The following FARS2 variants were observed in gnomAD, a reference collection of about 807,000 sequenced individuals.
FARS2 encodes the protein phenylalanyl-tRNA synthetase 2, mitochondrial.
In FARS2, 40 loss-of-function variants were observed where a neutral mutation model predicts 46.4. That is an observed-to-expected ratio of 0.86 (90% CI 0.67 to 1.12). The LOEUF is 1.12. Among genes scored for constraint, FARS2 ranks in the 50% most tolerant of loss-of-function variants. The pLI is 0.00. For missense variants in FARS2, 513 were observed against 567.9 expected (o/e 0.90, Z 0.98); for synonymous variants, 234 against 214.9 (o/e 1.09, Z -0.78).
chr6:5,608,780 A>G (rs1774996437), intron 5 of FARS2, among the ~76,000 whole-genome samples: 2 of 152,176 alleles, frequency 1.3e-5, no homozygotes, highest in Non-Finnish European at 2.9e-5. Flanking sequence ...AGCAGGTTGT[A>G]TATAAACTCC....
intron 6 of FARS2, among the ~76,000 whole-genome samples, chr6:5,621,243 C>A (rs958666203): frequency 6.6e-6 from 1 of 151,792 alleles, no homozygotes; most frequent in East Asian, 1.9e-4. Flanking sequence ...TAGGCCACCA[C>A]ACTTGGCTAA....
At chr6:5,618,414 T>G (rs1427517622) in intron 6 of FARS2, among the ~76,000 whole-genome samples, 1 of 152,216 alleles carries the variant, frequency 6.6e-6, no homozygotes, top group African/African-American at 2.4e-5. Context: ...AGCCTGATAG[T>G]GCAAAAGAGC....
chr6:5,538,925 A>C (rs559382615), intron 4 of FARS2, among the ~76,000 whole-genome samples: 1 of 152,284 alleles, frequency 6.6e-6, no homozygotes, highest in East Asian at 1.9e-4. Context: ...AGGCAGCTGA[A>C]GTCCAGTTGC....
At chr6:5,601,461 T>C (rs1025163134) in intron 5 of FARS2, among the ~76,000 whole-genome samples, 1 of 142,568 alleles carries the variant, frequency 7.0e-6, no homozygotes, top group Admixed American at 7.3e-5. Flanking sequence ...GAGGCAGAGG[T>C]TGCGGTGAGC....
chr6:5,378,994 A>C (rs914726347), intron 2 of FARS2, among the ~76,000 whole-genome samples: 11 of 152,318 alleles, frequency 7.2e-5, no homozygotes, highest in African/African-American at 2.6e-4. Context: ...GTCTTTGGCT[A>C]CGACAAGATG....
At chr6:5,491,456 G>C (rs1029987969) in intron 4 of FARS2, among the ~76,000 whole-genome samples, 8 of 152,182 alleles carry the variant, frequency 5.3e-5, no homozygotes, top group Admixed American at 3.3e-4. Flanking sequence ...TCCATCCCCT[G>C]CATTTTCCTA....
chr6:5,610,862 A>G (rs530152643), intron 5 of FARS2, among the ~76,000 whole-genome samples: 2 of 152,348 alleles, frequency 1.3e-5, no homozygotes, highest in East Asian at 1.9e-4. Context: ...GCTAAACCCT[A>G]GGACAATCCA....
At chr6:5,669,384 C>CA (rs1170435402) in intron 6 of FARS2, among the ~76,000 whole-genome samples, 1 of 151,894 alleles carries the variant, frequency 6.6e-6, no homozygotes, top group Non-Finnish European at 1.5e-5. Flanking sequence ...CCCCCACCCC[C>CA]CCGCTGCCTA....
chr6:5,609,700 G>T, intron 5 of FARS2: 1 of 1,399,886 alleles, frequency 7.1e-7, no homozygotes, highest in Non-Finnish European at 1.0e-6. Context: ...ATTTCTGAAT[G>T]ACAGTCTTAT....
intron 3 of FARS2, among the ~76,000 whole-genome samples, chr6:5,411,145 G>T (rs1397356349): frequency 1.3e-5 from 2 of 152,192 alleles, no homozygotes; most frequent in African/African-American, 4.8e-5. Flanking sequence ...CAGGCCCAAT[G>T]GCTCACGCCT....
rs77589424 is a variant in FARS2, at chr6:5,514,503, G to T, written c.905-30677G>T. The stretch of plus-strand genomic sequence containing the variant: ...AAAAGTTTTTCAGTATGAATTTAAA[G>T]TTGGGACATTCTGGCCTTAGGGAAT... On this transcript the variant is annotated intron_variant, in intron 4 of 6. Transcript: ENST00000274680. Among the ~76,000 whole-genome samples the T allele has an allele frequency of 7.9e-3, 1,199 of 152,290 alleles. 15 individuals carry two copies. The highest frequency in any genetic ancestry group is 0.027 in the African/African-American group (1,142 of 41,544).
At chr6:5,275,342 C>T (rs1200026421) in intron 1 of FARS2, among the ~76,000 whole-genome samples, 1 of 152,124 alleles carries the variant, frequency 6.6e-6, no homozygotes, top group Non-Finnish European at 1.5e-5. Flanking sequence ...TTAAATTACA[C>T]CCTTCTGATT....
chr6:5,655,148 C>T (rs1461553260), intron 6 of FARS2, among the ~76,000 whole-genome samples: 2 of 152,192 alleles, frequency 1.3e-5, no homozygotes, highest in Non-Finnish European at 2.9e-5. Flanking sequence ...GTGGCCCCAA[C>T]TCCCATCCTG....
At chr6:5,427,102 A>C (rs193158757) in intron 3 of FARS2, among the ~76,000 whole-genome samples, 14 of 152,262 alleles carry the variant, frequency 9.2e-5, no homozygotes, top group African/African-American at 2.9e-4. Context: ...TAGTTGACAC[A>C]TCATTGTACA....
At chr6:5,424,470 G>A (rs559367057) in intron 3 of FARS2, among the ~76,000 whole-genome samples, 5 of 152,282 alleles carry the variant, frequency 3.3e-5, no homozygotes, top group South Asian at 4.1e-4. Flanking sequence ...GACTGAGGGC[G>A]TGCTCTATGC....
chr6:5,496,834 GTTTC>G (rs1767497716), intron 4 of FARS2, among the ~76,000 whole-genome samples: 1 of 152,018 alleles, frequency 6.6e-6, no homozygotes, highest in South Asian at 2.1e-4. Flanking sequence ...TGTTGTTGTT[GTTTC>G]TTTCTTTTTA....
chr6:5,407,774 G>A (rs1269366214), intron 3 of FARS2, among the ~76,000 whole-genome samples: 1 of 152,128 alleles, frequency 6.6e-6, no homozygotes, highest in Non-Finnish European at 1.5e-5. Flanking sequence ...TTGCTGATGT[G>A]AAAAACCTAT....
intron 6 of FARS2, among the ~76,000 whole-genome samples, chr6:5,759,410 G>A (rs1762374835): frequency 6.6e-6 from 1 of 152,118 alleles, no homozygotes; most frequent in African/African-American, 2.4e-5. Context: ...TCCTATGCTA[G>A]ACTGTGGAAT....
chr6:5,612,475 GAT>G (rs140292880), intron 5 of FARS2, among the ~76,000 whole-genome samples: 2 of 151,810 alleles, frequency 1.3e-5, no homozygotes, highest in Non-Finnish European at 1.5e-5. Flanking sequence ...GTTTAGTTGT[GAT>G]ATATATATAT....
Sources: gnomAD v4.1 joint callset for allele counts (sites outside exome capture counted in the v4.1 genomes callset) on GRCh38, gnomAD v4.1.1 for gene constraint, MANE v1.5 for transcripts, NCBI Gene and HGNC (gene_info 2026-07-23, HGNC 2026-07-21) for gene names.